Variants in PCDHGB5 observed in about 807,000 individuals in gnomAD.
PCDHGB5 encodes the protein protocadherin gamma subfamily B, 5.
PCDHGB5 carries 48 observed loss-of-function variants against 62.9 expected under a neutral mutation model. The observed-to-expected ratio is 0.76, with a 90% CI of 0.61 to 0.97. The LOEUF (loss-of-function observed/expected upper bound fraction) is 0.97. Ranked by LOEUF, PCDHGB5 falls within the 50% of genes least tolerant of loss-of-function variation. The pLI is 0.00. For synonymous variants in PCDHGB5, 474 were observed against 511.2 expected (o/e 0.93, Z 0.98); for missense variants, 1,118 against 1,198.6 (o/e 0.93, Z 0.99).
chr5:141,404,676 T>G lies in PCDHGB5; in HGVS notation c.2397+4152T>G, dbSNP rs904942152. The stretch of plus-strand genomic sequence containing the variant: ...CTCCCCACTGATGGTTCTACTGGTG[T>G]GGAGCTGGCACCCCGCTCTGCAGAG... On this transcript the variant is annotated intron_variant, in intron 1 of 3. Transcript: ENST00000617380. 3.1e-6 allele frequency: 5 copies of G among 1,614,010 alleles called. No individual in the cohort carries two copies. In the African/African-American group the frequency reaches 6.7e-5, roughly 22 times the overall value.
At chr5:141,403,094 A>G in intron 1 of PCDHGB5, 1 of 1,614,064 alleles carries the variant, frequency 6.2e-7, no homozygotes, top group Non-Finnish European at 8.5e-7. Flanking sequence ...TGTGGGCAAC[A>G]TCTCCAAGGA....
At chr5:141,454,824 T>C (rs1231148585) in intron 1 of PCDHGB5, among the ~76,000 whole-genome samples, 1 of 127,218 alleles carries the variant, frequency 7.9e-6, no homozygotes, top group African/African-American at 3.3e-5. Flanking sequence ...TTTTTTTTTT[T>C]TGAGACAGAG....
intron 1 of PCDHGB5, chr5:141,408,741 T>C: frequency 6.2e-7 from 1 of 1,610,092 alleles, no homozygotes; most frequent in Non-Finnish European, 8.5e-7. Context: ...TATTTTTCAT[T>C]AATGGTTAGA....
At position 141,496,642 on chromosome 5, in the gene PCDHGB5, G is replaced by C. The variant is rs1053400475; in HGVS notation, c.2456+1777G>C. Among the ~76,000 whole-genome samples the C allele has an allele frequency of 6.6e-5, 10 of 152,318 alleles. No individual in the cohort carries two copies. In the East Asian group the frequency reaches 1.5e-3, roughly 24 times the overall value. ...AGATCAAAAGGCTTGGGCTGCCCTT[G>C]CCCTTCCTTTGACCCCAGCTGTTGT... On this transcript the variant is annotated intron_variant, in intron 2 of 3. Transcript: ENST00000617380.
chr5:141,462,202 C>T (rs188546035), intron 1 of PCDHGB5, among the ~76,000 whole-genome samples: 1,522 of 152,002 alleles, frequency 0.01, 33 homozygotes, highest in African/African-American at 0.034. Flanking sequence ...TCAGGTGATC[C>T]GCCTGCCTCG....
chr5:141,447,689 AG>A lies in PCDHGB5; in HGVS notation c.2398-47115del, dbSNP rs145694922. ...TTAGAACTGTTCCATATCTTGATAGAGGGATGGGTTATAAGGATGTACACAT... is the reference window on the plus strand; with the variant it reads ...TTAGAACTGTTCCATATCTTGATAGAGGATGGGTTATAAGGATGTACACAT... On this transcript the variant is annotated intron_variant, in intron 1 of 3. Coordinates refer to ENST00000617380, the MANE Select transcript of PCDHGB5 (RefSeq NM_018925.3). Among the ~76,000 whole-genome samples the A allele has an allele frequency of 4.6e-3, 694 of 152,302 alleles. 4 individuals are homozygous for A. The highest frequency in any genetic ancestry group is 0.015 in the African/African-American group (633 of 41,566).
chr5:141,400,646 CTGTCCT>C, intron 1 of PCDHGB5, 122 bp downstream of exon 1: 1 of 1,222,508 alleles, frequency 8.2e-7, no homozygotes, highest in South Asian at 1.4e-5. Flanking sequence ...GCTCAGAAAG[CTGTCCT>C]ACCATTCTTT....
At position 141,511,410 on chromosome 5, in the gene PCDHGB5, T is replaced by A; in HGVS notation, c.*237T>A. The stretch of plus-strand genomic sequence containing the variant: ...GGAACCCCCATCCAATCAACTGCTG[T>A]ACCCATGGGGGTAGTGGGGTTACTG... On this transcript the variant is annotated 3_prime_UTR_variant, in exon 4 of 4. Coordinates refer to ENST00000617380, the MANE Select transcript of PCDHGB5 (RefSeq NM_018925.3). 1 of 908,820 alleles carries A rather than the reference T, an allele frequency of 1.1e-6. No individual in the cohort carries two copies. The highest frequency in any genetic ancestry group is 1.6e-6 in the Non-Finnish European group (1 of 624,202). 56.3% of individuals were successfully genotyped at this position (908,820 alleles called of 1,614,324 possible). A position where few individuals can be genotyped will look rare whatever the true frequency, so the allele number is the denominator to read the frequency against.
intron 1 of PCDHGB5, chr5:141,415,330 A>G (rs1326574664): frequency 1.2e-6 from 2 of 1,614,094 alleles, no homozygotes; most frequent in African/African-American, 2.7e-5. Context: ...GCTGGCGCAC[A>G]GGCTGCGGCG....
chr5:141,430,725 G>A (rs1436128094), intron 1 of PCDHGB5: 4 of 1,497,276 alleles, frequency 2.7e-6, no homozygotes, highest in Admixed American at 2.4e-5. Flanking sequence ...AGTGGTTAAG[G>A]GCAGAATTGA....
intron 1 of PCDHGB5, among the ~76,000 whole-genome samples, chr5:141,401,300 C>A (rs1169689828): frequency 1.3e-5 from 2 of 152,200 alleles, no homozygotes; most frequent in African/African-American, 4.8e-5. Context: ...CGAGATCACT[C>A]CATTGCATTC....
intron 1 of PCDHGB5, chr5:141,427,980 G>A (rs1398178738): frequency 6.3e-7 from 1 of 1,596,206 alleles, no homozygotes. Context: ...CCCCGCGCTG[G>A]GGCCCGATGG....
chr5:141,417,647 C>G, intron 1 of PCDHGB5: 8 of 812,384 alleles, frequency 9.8e-6, no homozygotes, highest in Non-Finnish European at 1.5e-5. Flanking sequence ...ATCCCTCAGC[C>G]TCTAGCCTGG....
rs888457230 is a variant in PCDHGB5, at chr5:141,493,727, C to T, written c.2398-1080C>T. On this transcript the variant is annotated intron_variant, in intron 1 of 3. Transcript: ENST00000617380. This position sits in a 1 kb window ranked among gnomAD's most constrained non-coding sequence, Gnocchi z 4.3. ...TGGAATGCTAGGTTTCTGGGTTCTG[C>T]TCATATCACTGCCACCTGTGAGCCT... Among the ~76,000 whole-genome samples, 2 of 152,184 alleles carry T rather than the reference C, an allele frequency of 1.3e-5. No homozygotes were observed. Among genetic ancestry groups the T allele is most frequent in the Admixed American group, 6.5e-5 (1 of 15,280 alleles).
chr5:141,417,963 A>T (rs1260025037), intron 1 of PCDHGB5: 1 of 1,613,258 alleles, frequency 6.2e-7, no homozygotes, highest in Non-Finnish European at 8.5e-7. Flanking sequence ...CCGATCCGCT[A>T]CTCGATTCCG....
chr5:141,465,918 C>T lies in PCDHGB5; in HGVS notation c.2398-28889C>T, dbSNP rs34980831. On this transcript the variant is annotated intron_variant, in intron 1 of 3. Transcript: ENST00000617380. ...CGGGCAAATCACGAGGTCAGGATTT[C>T]GAGTCCATCCTGGCTAACATGGTGA... 2.0e-3 allele frequency among the ~76,000 whole-genome samples: 307 copies of T among 152,144 alleles called. 1 individual carries two copies. Among genetic ancestry groups the T allele is most frequent in the Middle Eastern group, 0.01 (3 of 294 alleles).
chr5:141,415,182 C>T (rs2095840318), intron 1 of PCDHGB5: 2 of 1,613,842 alleles, frequency 1.2e-6, no homozygotes, highest in Non-Finnish European at 1.7e-6. Flanking sequence ...TGGCCGTGGC[C>T]GACAGCATCC....
At chr5:141,410,413 T>C (rs1229133377) in intron 1 of PCDHGB5, 10 of 1,613,938 alleles carry the variant, frequency 6.2e-6, no homozygotes, top group Non-Finnish European at 8.5e-6. Context: ...AGTCTGGACC[T>C]GTAGTTCCCC....
At chr5:141,428,552 T>TC in intron 1 of PCDHGB5, 2 of 244,422 alleles carry the variant, frequency 8.2e-6, no homozygotes, top group African/African-American at 2.2e-5. Context: ...CCAGAAACAG[T>TC]CCCCCCACAA....
Sources: gnomAD v4.1 joint callset for allele counts (sites outside exome capture counted in the v4.1 genomes callset) on GRCh38, gnomAD v4.1.1 for gene constraint, Gnocchi (gnomAD v3.1) non-coding constraint, MANE v1.5 for transcripts, NCBI Gene and HGNC (gene_info 2026-07-23, HGNC 2026-07-21) for gene names.